Variants in FHIT observed in about 807,000 individuals in gnomAD.
FHIT encodes bis(5'-adenosyl)-triphosphatase.
In FHIT, 19 loss-of-function variants were observed where a neutral mutation model predicts 17.9. The observed-to-expected ratio is 1.06, with a 90% confidence interval of 0.74 to 1.56. FHIT has a LOEUF of 1.56. Among genes scored for constraint, FHIT ranks in the 40% most tolerant of loss-of-function variants. FHIT has a pLI of 0.00. For missense variants in FHIT, 248 were observed against 189.2 expected (o/e 1.31, Z -1.82); for synonymous variants, 81 against 69.7 (o/e 1.16, Z -0.81).
chr3:59,896,152 A>G lies in FHIT; in HGVS notation c.348+26194T>C, dbSNP rs537329746. Among the ~76,000 whole-genome samples the G allele has an allele frequency of 3.3e-5, 5 of 152,318 alleles. No individual in the cohort carries two copies. In the South Asian group the frequency reaches 6.2e-4, roughly 19 times the overall value. The stretch of plus-strand genomic sequence containing the variant: ...ACGCTTGTACACTGGCATCCCTCCC[A>G]GACTGGAGTGTCAGCTTCATGAAAA... On this transcript the variant is annotated intron_variant, in intron 8 of 9. Coordinates refer to ENST00000492590, the MANE Select transcript of FHIT (RefSeq NM_002012.4).
chr3:60,784,888 A>G (rs1439633712), intron 4 of FHIT, among the ~76,000 whole-genome samples: 2 of 152,206 alleles, frequency 1.3e-5, no homozygotes, highest in African/African-American at 2.4e-5. Flanking sequence ...CACAGCAAGA[A>G]GGCATCCTCT....
chr3:60,728,177 A>G (rs1360738376), intron 4 of FHIT, among the ~76,000 whole-genome samples: 3 of 152,198 alleles, frequency 2.0e-5, no homozygotes, highest in Non-Finnish European at 4.4e-5. Context: ...GCTATCAACT[A>G]TGTCACATTT....
chr3:60,260,166 A>T (rs1200395575), intron 5 of FHIT, among the ~76,000 whole-genome samples: 1 of 152,058 alleles, frequency 6.6e-6, no homozygotes, highest in Non-Finnish European at 1.5e-5. Flanking sequence ...GTTCTTAAGG[A>T]AGATCTAGCA....
In FHIT at chr3:59,748,768, C is replaced by CACTT. The variant is rs1487636948; in HGVS notation, c.*813_*816dup. ...GCCTGGATTCAAATCTGAGCTTTGC[C>CACTT]ACTTACCGTTGGCCTTGAACTAATA... On this transcript the variant is annotated 3_prime_UTR_variant, in exon 10 of 10. Transcript: ENST00000492590. Among the ~76,000 whole-genome samples, 3 of 152,086 alleles carry CACTT rather than the reference C, an allele frequency of 2.0e-5. No individual in the cohort carries two copies. The highest frequency in any genetic ancestry group is 4.8e-5 in the African/African-American group (2 of 41,546).
chr3:60,526,971 T>C (rs2035598743), intron 5 of FHIT, among the ~76,000 whole-genome samples: 1 of 152,174 alleles, frequency 6.6e-6, no homozygotes, highest in Non-Finnish European at 1.5e-5. Context: ...ATCCTCTCCC[T>C]TTGCGGTTTG....
Position 60,012,266 on chromosome 3 carries a change from G to GTTTTT in FHIT, c.250-871_250-867dup, listed in dbSNP as rs769497004. On this transcript the variant is annotated intron_variant, in intron 6 of 9. Coordinates refer to ENST00000492590, the MANE Select transcript of FHIT (RefSeq NM_002012.4). ...ATGTAAATCAGGTGTTTTTTTTGTTGTTTTTTTTTTTTTTTTTTTTGAGAA... is the reference window on the plus strand; with the variant it reads ...ATGTAAATCAGGTGTTTTTTTTGTTGTTTTTTTTTTTTTTTTTTTTTTTTTGAGAA... Among the ~76,000 whole-genome samples the GTTTTT allele has an allele frequency of 5.2e-4, 58 of 112,468 alleles. 1 individual carries two copies. Among genetic ancestry groups the GTTTTT allele is most frequent in the East Asian group, 2.4e-3 (9 of 3,712 alleles). 73.8% of individuals were successfully genotyped at this position (112,468 alleles called of 152,430 possible). A position where few individuals can be genotyped will look rare whatever the true frequency, so the allele number is the denominator to read the frequency against.
intron 5 of FHIT, among the ~76,000 whole-genome samples, chr3:60,128,394 G>A (rs1419450408): frequency 6.6e-6 from 1 of 152,162 alleles, no homozygotes; most frequent in East Asian, 1.9e-4. Flanking sequence ...ACGTGAAGAA[G>A]GACATGTTTG....
rs76685181 is a variant in FHIT at position 59,798,938 on chromosome 3, G to A, written c.349-46617C>T. On this transcript the variant is annotated intron_variant, in intron 8 of 9. Coordinates refer to ENST00000492590, the MANE Select transcript of FHIT (RefSeq NM_002012.4). ...TTGGACGTATTTAAAATATGATTGG[G>A]AGGGTAGCCTCTGCTAACCTCCAGC... 7.9e-3 allele frequency among the ~76,000 whole-genome samples: 1,198 copies of A among 152,276 alleles called. 13 individuals are homozygous for A. Among genetic ancestry groups the A allele is most frequent in the African/African-American group, 0.027 (1,126 of 41,558 alleles).
chr3:60,355,834 T>G (rs923185385), intron 5 of FHIT, among the ~76,000 whole-genome samples: 1 of 152,176 alleles, frequency 6.6e-6, no homozygotes, highest in African/African-American at 2.4e-5. Context: ...TGTCTAGTAT[T>G]TGTAACCTTA....
intron 5 of FHIT, among the ~76,000 whole-genome samples, chr3:60,332,723 C>T (rs1258977684): frequency 2.6e-5 from 4 of 152,322 alleles, no homozygotes; most frequent in African/African-American, 9.6e-5. Flanking sequence ...TAACCAGCTT[C>T]TACTCTTCTG....
chr3:61,156,669 T>G (rs759771081), intron 2 of FHIT, among the ~76,000 whole-genome samples: 1 of 152,184 alleles, frequency 6.6e-6, no homozygotes, highest in Non-Finnish European at 1.5e-5. Flanking sequence ...TTACACTCAT[T>G]CATTCACCAA....
intron 5 of FHIT, among the ~76,000 whole-genome samples, chr3:60,123,271 C>A (rs749551333): frequency 1.8e-4 from 28 of 152,084 alleles, no homozygotes; most frequent in Non-Finnish European, 2.9e-4. Context: ...GATAAGCGAT[C>A]ATTTGTTATC....
chr3:61,011,546 C>T (rs148181761), intron 3 of FHIT, among the ~76,000 whole-genome samples: 3 of 152,054 alleles, frequency 2.0e-5, no homozygotes, highest in Admixed American at 2.0e-4. Flanking sequence ...CTGCTTTATA[C>T]AGTCTATAAC....
intron 5 of FHIT, among the ~76,000 whole-genome samples, chr3:60,522,087 A>G (rs1009148622): frequency 6.6e-6 from 1 of 150,668 alleles, no homozygotes; most frequent in Non-Finnish European, 1.5e-5. Flanking sequence ...AGTGAAAGAA[A>G]CAGCAACAGC....
intron 5 of FHIT, among the ~76,000 whole-genome samples, chr3:60,092,393 G>T (rs1282675455): frequency 6.6e-6 from 1 of 152,186 alleles, no homozygotes; most frequent in East Asian, 1.9e-4. Flanking sequence ...GCAAGGACAG[G>T]CTGGCCATGG....
chr3:60,961,191 G>C (rs879981030), intron 3 of FHIT, among the ~76,000 whole-genome samples: 1 of 152,212 alleles, frequency 6.6e-6, no homozygotes, highest in African/African-American at 2.4e-5. Context: ...CAGTGATGAT[G>C]AGCATGTTTT....
intron 4 of FHIT, among the ~76,000 whole-genome samples, chr3:60,578,040 G>C (rs1291731769): frequency 6.6e-6 from 1 of 152,102 alleles, no homozygotes; most frequent in Admixed American, 6.6e-5. Context: ...GGGATAACAT[G>C]ATTAAAAATC....
At chr3:60,642,359 G>A (rs2039746938) in intron 4 of FHIT, among the ~76,000 whole-genome samples, 2 of 152,172 alleles carry the variant, frequency 1.3e-5, no homozygotes, top group African/African-American at 4.8e-5. Flanking sequence ...ATGGCCATTT[G>A]GCAAAAGCTA....
chr3:59,987,836 G>T (rs13095234), intron 7 of FHIT, among the ~76,000 whole-genome samples: 62,723 of 151,708 alleles, frequency 0.41, 13,626 homozygotes, highest in Non-Finnish European at 0.48. Context: ...AAAGACTTGG[G>T]GTACTAGAGA....
Sources: allele counts gnomAD v4.1 joint callset (sites outside exome capture counted in the v4.1 genomes callset), GRCh38; gene constraint gnomAD v4.1.1; transcripts MANE v1.5; gene names NCBI Gene and HGNC (gene_info 2026-07-23, HGNC 2026-07-21).